Variants in PRDX3 observed in about 807,000 individuals in gnomAD.
PRDX3 encodes peroxiredoxin 3, also known as thioredoxin-dependent peroxide reductase, mitochondrial.
In PRDX3, 20 loss-of-function variants were observed where a neutral mutation model predicts 30.4. The observed-to-expected ratio is 0.66, with a 90% CI of 0.46 to 0.96. The LOEUF (loss-of-function observed/expected upper bound fraction) is 0.96, where lower values mean the gene tolerates loss of function less well. PRDX3 is among the 40% of genes least tolerant of loss of function. The probability of loss-of-function intolerance (pLI) is 0.00; values close to 1 mark genes in which losing one functional copy is unlikely to be tolerated. For synonymous variants in PRDX3, 124 were observed against 117.8 expected (o/e 1.05, Z -0.34); for missense variants, 322 against 318.3 (o/e 1.01, Z -0.09).
chr10:119,169,150 T>A, intron 6 of PRDX3, 27 bp downstream of exon 6: 1 of 1,608,950 alleles, frequency 6.2e-7, no homozygotes, highest in Admixed American at 1.7e-5. Context: ...AACATGGACC[T>A]CACTGCTTTT....
Position 119,178,780 on chromosome 10 carries a change from G to C in PRDX3, c.11C>G (p.Ala4Gly), listed in dbSNP as rs1026126130. Residue 4 changes from alanine (A) to glycine (G), a missense_variant, in exon 1 of 7, where the codon GCT (alanine) becomes GGT (glycine). Transcript: ENST00000298510. MAA[A>G]VGRLLRASVA... is the part of the protein sequence containing the mutation. ...CGACGCTCGGAGCAACCGTCCTACA[G>C]CAGCCGCCATCTTCAGTGCACTCGG... is the stretch of plus-strand genomic sequence containing the variant. The C allele has an allele frequency of 2.6e-6, 4 of 1,552,810 alleles. No individual in the cohort carries two copies. In the East Asian group the frequency reaches 7.3e-5, roughly 28 times the overall value.
Position 119,174,610 on chromosome 10 carries a change from C to T in PRDX3, c.170-18G>A. The T allele has an allele frequency of 6.4e-7, 1 of 1,566,642 alleles. No individual in the cohort carries two copies. The highest frequency in any genetic ancestry group is 8.6e-7 in the Non-Finnish European group (1 of 1,163,062). On this transcript the variant is annotated intron_variant, in intron 2 of 6. Coordinates refer to ENST00000298510, the MANE Select transcript of PRDX3 (RefSeq NM_006793.5). ...TGAGGAACCTGAAAAAAAACCCACA[C>T]TCATATGGAGTTCATCATTTGCTAT...
In PRDX3 at chr10:119,177,287, T is replaced by C. The variant is rs1227697236; in HGVS notation, c.37-134A>G. 4 of 828,588 alleles carry C rather than the reference T, an allele frequency of 4.8e-6. No homozygotes were observed. In the African/African-American group the frequency reaches 5.1e-5, roughly 11 times the overall value. 51.3% of individuals were successfully genotyped at this position (828,588 alleles called of 1,614,324 possible). On this transcript the variant is annotated intron_variant, in intron 1 of 6. Transcript: ENST00000298510. ...TAGCAAACCCCAAACTCTAAGAGCATGGATTGGATCTGCATGTTCTTAACA... is the reference window on the plus strand; with the variant it reads ...TAGCAAACCCCAAACTCTAAGAGCACGGATTGGATCTGCATGTTCTTAACA...
At chr10:119,168,558 G>GT (rs1481000957) in intron 6 of PRDX3, 25 bp from the exon 7 acceptor site, 6 of 1,612,350 alleles carry the variant, frequency 3.7e-6, no homozygotes, top group African/African-American at 1.3e-5. Context: ...GCTTAATTAG[G>GT]TAACTGTGAC....
At chr10:119,176,120 A>T (rs1848020060) in intron 2 of PRDX3, among the ~76,000 whole-genome samples, 2 of 152,038 alleles carry the variant, frequency 1.3e-5, no homozygotes, top group South Asian at 4.1e-4. Context: ...GAGGGGAGGT[A>T]TGGGGCAGAA....
Position 119,168,193 on chromosome 10 carries a change from T to C in PRDX3, c.*287A>G. 1 of 387,258 alleles carries C rather than the reference T, an allele frequency of 2.6e-6. No homozygotes were observed. The highest frequency in any genetic ancestry group is 4.5e-6 in the Non-Finnish European group (1 of 220,772). The allele number at this position is 387,258 out of a possible 1,614,324, so 24.0% of individuals were successfully genotyped here. ...GGCTAAGAAAGAAGAGTGTTTCCAT[T>C]GAGACATGATCTAAGAATAGCCTTC... On this transcript the variant is annotated 3_prime_UTR_variant, in exon 7 of 7. Transcript: ENST00000298510.
chr10:119,177,094 A>C lies in PRDX3; in HGVS notation c.96T>G (p.Pro32=), dbSNP rs1339013714. The change falls in exon 2 of 7, where the codon CCT becomes CCG. Residue 32 remains proline (P), a synonymous_variant. Coordinates refer to ENST00000298510, the MANE Select transcript of PRDX3 (RefSeq NM_006793.5). ...TCAAGCTCGTTCTTCCACATGCAGC[A>C]GGCCTGAGGGCTGCAGTGGCAGAAA... is the stretch of plus-strand genomic sequence containing the variant. ...WGISATAALR[P]AACGRTSLTN... 1 of 1,613,926 alleles carries C rather than the reference A, an allele frequency of 6.2e-7. No individual in the cohort carries two copies. The highest frequency in any genetic ancestry group is 8.5e-7 in the Non-Finnish European group (1 of 1,179,834).
chr10:119,175,730 A>G (rs1037712384), intron 2 of PRDX3, among the ~76,000 whole-genome samples: 10 of 149,254 alleles, frequency 6.7e-5, no homozygotes, highest in Admixed American at 2.7e-4. Flanking sequence ...GTCCGGCAGG[A>G]GGGAAAGAGG....
intron 2 of PRDX3, among the ~76,000 whole-genome samples, chr10:119,176,502 C>A: frequency 6.6e-6 from 1 of 152,202 alleles, no homozygotes; most frequent in East Asian, 1.9e-4. Flanking sequence ...TTATCTGAGG[C>A]TGATCTTAGC....
intron 5 of PRDX3, 190 bp from the exon 6 acceptor site, chr10:119,169,532 A>T: frequency 1.8e-6 from 1 of 541,462 alleles, no homozygotes; most frequent in Non-Finnish European, 3.3e-6. Flanking sequence ...ATGCTTTAAC[A>T]AAGGCAGTAC....
rs34132718 is a variant in PRDX3, at chr10:119,178,798, G to C, written c.-8C>G. ...TCCTACAGCAGCCGCCATCTTCAGT[G>C]CACTCGGGCGCCACGGGGCGGGCAG... On this transcript the variant is annotated 5_prime_UTR_variant, in exon 1 of 7. Coordinates refer to ENST00000298510, the MANE Select transcript of PRDX3 (RefSeq NM_006793.5). 1.8e-5 allele frequency: 28 copies of C among 1,552,086 alleles called. No individual in the cohort carries two copies. Among genetic ancestry groups the C allele is most frequent in the Non-Finnish European group, 2.4e-5 (27 of 1,147,846 alleles).
In PRDX3 at chr10:119,177,009, CAT is replaced by C; in HGVS notation, c.169+10_169+11del. 1 of 1,613,992 alleles carries C rather than the reference CAT, an allele frequency of 6.2e-7. No individual in the cohort carries two copies. Among genetic ancestry groups the C allele is most frequent in the Non-Finnish European group, 8.5e-7 (1 of 1,179,908 alleles). On this transcript the variant is annotated intron_variant, in intron 2 of 6. Transcript: ENST00000298510. ...TTACCTGGCTCCAGCCAAGACATGA[CAT>C]AACACTTACTGGTGCTGAATAATTT...
chr10:119,171,455 C>T (rs1847906593), intron 5 of PRDX3, among the ~76,000 whole-genome samples: 1 of 152,212 alleles, frequency 6.6e-6, no homozygotes, highest in African/African-American at 2.4e-5. Context: ...CCCTCCTTCA[C>T]TCCTATTCTC....
At chr10:119,176,958 T>C in intron 2 of PRDX3, 63 bp downstream of exon 2, 1 of 1,600,176 alleles carries the variant, frequency 6.2e-7, no homozygotes, top group Non-Finnish European at 8.5e-7. Context: ...AGAGCCCCTG[T>C]CCAGAGACGA....
chr10:119,173,609 CAAAAA>C (rs982971792), intron 4 of PRDX3, 123 bp downstream of exon 4: 28 of 958,820 alleles, frequency 2.9e-5, no homozygotes, highest in Non-Finnish European at 3.9e-5. Flanking sequence ...AGCTCCGTCT[CAAAAA>C]AAAAAAAAAA....
chr10:119,178,647 A>G (rs1848104872), intron 1 of PRDX3, 108 bp downstream of exon 1: 1 of 1,371,170 alleles, frequency 7.3e-7, no homozygotes, highest in Non-Finnish European at 1.0e-6. Context: ...GAAACCCTCC[A>G]AGAAGGGCGA....
chr10:119,171,604 T>C (rs1003373468), intron 5 of PRDX3, among the ~76,000 whole-genome samples: 4 of 152,322 alleles, frequency 2.6e-5, no homozygotes, highest in Middle Eastern at 3.4e-3. Context: ...TGAATACAGA[T>C]AGAAATGATG....
intron 5 of PRDX3, 132 bp from the exon 6 acceptor site, chr10:119,169,474 G>A: frequency 1.3e-6 from 1 of 790,338 alleles, no homozygotes; most frequent in South Asian, 2.1e-5. Flanking sequence ...CTTAAAGGTG[G>A]GGTTTTCACT....
rs1847848170 is a variant in PRDX3 at position 119,169,282 on chromosome 10, T to TG, written c.611dup (p.Val205SerfsTer110). 6.2e-7 allele frequency: 1 copy of TG among 1,614,092 alleles called. No individual in the cohort carries two copies. Among genetic ancestry groups the TG allele is most frequent in the African/African-American group, 1.3e-5 (1 of 75,030 alleles). Reference sequence around the variant, plus strand: ...GGGTTTCTTCCACGCTTCGGCCCACTGGGAGATCGTTGACGCTCAAATGCT... The same window carrying TG: ...GGGTTTCTTCCACGCTTCGGCCCACTGGGGAGATCGTTGACGCTCAAATGCT... On this transcript the variant is annotated frameshift_variant, in exon 6 of 7. Coordinates refer to ENST00000298510, the MANE Select transcript of PRDX3 (RefSeq NM_006793.5). LOFTEE classifies it high-confidence loss of function.
Sources: gnomAD v4.1 joint callset for allele counts (sites outside exome capture counted in the v4.1 genomes callset) on GRCh38, gnomAD v4.1.1 for gene constraint, MANE v1.5 for transcripts, NCBI Gene and HGNC (gene_info 2026-07-23, HGNC 2026-07-21) for gene names.